The following MYO10 variants were observed in gnomAD, a reference collection of about 807,000 sequenced individuals.
The protein encoded by MYO10 is unconventional myosin-X.
In MYO10, 133 loss-of-function variants were observed where a neutral mutation model predicts 257.3. The ratio of observed to expected loss-of-function variants is 0.52; its 90% CI spans 0.45 to 0.60. The LOEUF (loss-of-function observed/expected upper bound fraction) is 0.60, where lower values mean the gene tolerates loss of function less well. Ranked by LOEUF, MYO10 falls within the 20% of genes least tolerant of loss-of-function variation. The pLI is 0.00. For synonymous variants in MYO10, 1,104 were observed against 1,028.6 expected (o/e 1.07, Z -1.40); for missense variants, 2,399 against 2,635.7 (o/e 0.91, Z 1.97).
chr5:16,836,583 A>T (rs1743319960), intron 2 of MYO10, among the ~76,000 whole-genome samples: 1 of 152,220 alleles, frequency 6.6e-6, no homozygotes, highest in Admixed American at 6.5e-5. Flanking sequence ...CACCTTGCGG[A>T]TATCTGAAAA....
intron 19 of MYO10, among the ~76,000 whole-genome samples, chr5:16,751,848 TATTAATTAGTGTCTGCC>T (rs1384152632): frequency 1.3e-5 from 2 of 152,156 alleles, no homozygotes; most frequent in African/African-American, 4.8e-5. Context: ...ACTGGTGCGT[TATTAATTAGTGTCTGCC>T]ATACTTCAGG....
intron 2 of MYO10, among the ~76,000 whole-genome samples, chr5:16,840,093 C>A (rs1016793990): frequency 6.6e-6 from 1 of 152,100 alleles, no homozygotes; most frequent in East Asian, 1.9e-4. Flanking sequence ...AGGTTTCCTA[C>A]AAGTAGACAG....
intron 26 of MYO10, 61 bp from the exon 27 acceptor site, chr5:16,694,675 A>C: frequency 6.3e-7 from 1 of 1,591,802 alleles, no homozygotes; most frequent in Non-Finnish European, 8.6e-7. Flanking sequence ...TTGGATGACA[A>C]CAACATGCAT....
chr5:16,861,324 G>A (rs904055013), intron 2 of MYO10, among the ~76,000 whole-genome samples: 3 of 151,666 alleles, frequency 2.0e-5, no homozygotes, highest in South Asian at 4.2e-4. Context: ...CCAGCACTTT[G>A]GGAGGCCGAG....
At chr5:16,734,108 C>CAAA (rs111997085) in intron 19 of MYO10, among the ~76,000 whole-genome samples, 242 of 140,730 alleles carry the variant, frequency 1.7e-3, no homozygotes, top group African/African-American at 5.3e-3. Flanking sequence ...AAAAGGGATG[C>CAAA]AAAAAAAAAA....
intron 27 of MYO10, among the ~76,000 whole-genome samples, chr5:16,691,158 T>C (rs925957455): frequency 2.0e-5 from 3 of 151,448 alleles, no homozygotes; most frequent in African/African-American, 7.3e-5. Context: ...TACTTCCAGC[T>C]ACTCGGGAGG....
At chr5:16,806,692 T>G (rs1338635662) in intron 3 of MYO10, among the ~76,000 whole-genome samples, 1 of 150,748 alleles carries the variant, frequency 6.6e-6, no homozygotes, top group South Asian at 2.1e-4. Flanking sequence ...TTAAAGTGAC[T>G]CAGTGGCCTC....
intron 25 of MYO10, among the ~76,000 whole-genome samples, chr5:16,699,802 A>AAAC (rs1737955389): frequency 6.8e-6 from 1 of 147,434 alleles, no homozygotes; most frequent in African/African-American, 2.7e-5. Flanking sequence ...AAAAAAAAAA[A>AAAC]AAAAAGGGAA....
intron 2 of MYO10, among the ~76,000 whole-genome samples, chr5:16,848,634 T>A (rs901449868): frequency 2.6e-5 from 4 of 151,868 alleles, no homozygotes; most frequent in African/African-American, 9.7e-5. Flanking sequence ...ACGCTCGTCG[T>A]TATGGCTGCC....
rs1736178232 is a variant in MYO10, at chr5:16,666,573, G to A, written c.*119C>T. The A allele has an allele frequency of 1.1e-5, 9 of 782,722 alleles. No individual in the cohort carries two copies. Among genetic ancestry groups the A allele is most frequent in the Non-Finnish European group, 1.8e-5 (9 of 501,388 alleles). The allele number at this position is 782,722 out of a possible 1,614,324, so 48.5% of individuals were successfully genotyped here. On this transcript the variant is annotated 3_prime_UTR_variant, in exon 41 of 41. Transcript: ENST00000513610. ...CGGAGACACCTCCCTCAGACCAGAA[G>A]CTTCCAGAAAGCCTGGGCAGCTCTG...
chr5:16,718,919 G>A lies in MYO10; in HGVS notation c.1930-7674C>T, dbSNP rs186502365. Among the ~76,000 whole-genome samples the A allele has an allele frequency of 3.3e-4, 50 of 151,670 alleles. No homozygotes were observed. In the East Asian group the frequency reaches 8.4e-3, roughly 25 times the overall value. ...TATCTAGCTCAGGGATTGTAAACGC[G>A]CCAATCAGCGCCCTGACAAAACAGG... is the stretch of plus-strand genomic sequence containing the variant. On this transcript the variant is annotated intron_variant, in intron 19 of 40. Transcript: ENST00000513610.
At chr5:16,835,492 GTTTT>G (rs1554001242) in intron 2 of MYO10, among the ~76,000 whole-genome samples, 1,508 of 81,124 alleles carry the variant, frequency 0.019, 22 homozygotes, top group African/African-American at 0.043. Context: ...ATTTTTGGCT[GTTTT>G]TTTTTTTTTT....
intron 3 of MYO10, among the ~76,000 whole-genome samples, chr5:16,812,942 T>TA (rs1560997627): frequency 8.4e-4 from 127 of 151,364 alleles, no homozygotes; most frequent in Middle Eastern, 3.4e-3. Context: ...TTTTTTTTTT[T>TA]ATCACTTTCT....
chr5:16,744,760 G>A (rs1324200891), intron 19 of MYO10, among the ~76,000 whole-genome samples: 1 of 151,770 alleles, frequency 6.6e-6, no homozygotes, highest in African/African-American at 2.4e-5. Flanking sequence ...AGCAAACACA[G>A]GCAGTAAAAA....
chr5:16,796,460 G>GAA (rs1560989856), intron 3 of MYO10, among the ~76,000 whole-genome samples: 6 of 96,178 alleles, frequency 6.2e-5, no homozygotes, highest in Admixed American at 1.1e-4. Context: ...AAGAAAGAAA[G>GAA]AAAGAAAGAA....
intron 2 of MYO10, among the ~76,000 whole-genome samples, chr5:16,874,329 A>C (rs1221433228): frequency 8.2e-5 from 8 of 98,120 alleles, no homozygotes; most frequent in African/African-American, 2.9e-4. Context: ...GCAAGACTCC[A>C]TCTAAAAAAA....
At chr5:16,670,402 G>GA (rs1328938776) in intron 39 of MYO10, 124 bp downstream of exon 39, 3 of 812,212 alleles carry the variant, frequency 3.7e-6, no homozygotes, top group Non-Finnish European at 5.7e-6. Context: ...CTGGGGGCTC[G>GA]AATAAAAGAG....
At chr5:16,734,714 A>G (rs1400804090) in intron 19 of MYO10, among the ~76,000 whole-genome samples, 1 of 151,906 alleles carries the variant, frequency 6.6e-6, no homozygotes, top group Non-Finnish European at 1.5e-5. Flanking sequence ...CTAAGGCAGG[A>G]GAATCACTTG....
At chr5:16,735,616 C>A (rs1227974711) in intron 19 of MYO10, among the ~76,000 whole-genome samples, 1 of 151,230 alleles carries the variant, frequency 6.6e-6, no homozygotes, top group Non-Finnish European at 1.5e-5. Flanking sequence ...CTGTTTGAGC[C>A]CAGGAGGTCA....
Sources: gnomAD v4.1 joint callset for allele counts (sites outside exome capture counted in the v4.1 genomes callset) on GRCh38, gnomAD v4.1.1 for gene constraint, MANE v1.5 for transcripts, NCBI Gene and HGNC (gene_info 2026-07-23, HGNC 2026-07-21) for gene names.